Variants in PARD3 observed in about 807,000 individuals in gnomAD.
PARD3 encodes the protein par-3 family cell polarity regulator, also known as partitioning defective 3 homolog.
A neutral mutation model predicts 155.4 loss-of-function variants in PARD3; 75 were observed. The observed-to-expected ratio is 0.48, with a 90% CI of 0.40 to 0.58. PARD3 has a LOEUF of 0.58. PARD3 is among the 20% of genes least tolerant of loss of function. PARD3 has a pLI of 0.00. For missense variants in PARD3, 1,642 were observed against 1,721.7 expected (o/e 0.95, Z 0.82); for synonymous variants, 576 against 610.5 (o/e 0.94, Z 0.83).
rs540392298 is a variant in PARD3, at chr10:34,210,622, T to C, written c.3419+59035A>G. 2.0e-5 allele frequency among the ~76,000 whole-genome samples: 3 copies of C among 152,272 alleles called. No individual in the cohort carries two copies. In the South Asian group the frequency reaches 6.2e-4, roughly 32 times the overall value. The stretch of plus-strand genomic sequence containing the variant: ...ATAGTAGATATTAATGATCAAAAAC[T>C]TGATACCTGGGAAGGTGCTCAGACT... On this transcript the variant is annotated intron_variant, in intron 22 of 24. Transcript: ENST00000374788.
chr10:34,606,190 G>A (rs1421161141), intron 2 of PARD3, among the ~76,000 whole-genome samples: 1 of 79,864 alleles, frequency 1.3e-5, no homozygotes, highest in Non-Finnish European at 2.4e-5. Context: ...GTGTGTGTGT[G>A]TGTGTGTGTG....
At chr10:34,395,466 T>A (rs1843226170) in intron 7 of PARD3, among the ~76,000 whole-genome samples, 1 of 152,204 alleles carries the variant, frequency 6.6e-6, no homozygotes, top group Non-Finnish European at 1.5e-5. Context: ...ATCACCAAAG[T>A]AATGAAACCG....
chr10:34,575,143 C>T (rs1365371722), intron 2 of PARD3, among the ~76,000 whole-genome samples: 1 of 152,096 alleles, frequency 6.6e-6, no homozygotes, highest in Non-Finnish European at 1.5e-5. Flanking sequence ...TCATGCCTGG[C>T]CTTAAATGTA....
At chr10:34,257,138 A>C (rs1474518385) in intron 22 of PARD3, among the ~76,000 whole-genome samples, 1 of 152,218 alleles carries the variant, frequency 6.6e-6, no homozygotes, top group East Asian at 1.9e-4. Flanking sequence ...GACTTAGGGT[A>C]CCCAAGGAAA....
chr10:34,378,420 C>T (rs1186763951), intron 9 of PARD3, among the ~76,000 whole-genome samples: 1 of 152,080 alleles, frequency 6.6e-6, no homozygotes, highest in Non-Finnish European at 1.5e-5. Context: ...AGGAAATTCA[C>T]TACATGAAGA....
At chr10:34,267,776 A>G (rs1360753798) in intron 22 of PARD3, among the ~76,000 whole-genome samples, 1 of 152,180 alleles carries the variant, frequency 6.6e-6, no homozygotes, top group Admixed American at 6.6e-5. Context: ...TGCCATCCCC[A>G]GGACCAATGG....
intron 10 of PARD3, among the ~76,000 whole-genome samples, chr10:34,376,141 G>C (rs1027607021): frequency 6.6e-6 from 1 of 152,108 alleles, no homozygotes. Flanking sequence ...GAAAATGCAC[G>C]TAAGTATCAA....
intron 5 of PARD3, among the ~76,000 whole-genome samples, chr10:34,421,044 G>A (rs923731450): frequency 6.6e-6 from 1 of 152,104 alleles, no homozygotes; most frequent in African/African-American, 2.4e-5. Flanking sequence ...GCATGGTGGT[G>A]TGCACCCATG....
intron 2 of PARD3, among the ~76,000 whole-genome samples, chr10:34,682,935 T>A (rs1379071306): frequency 1.3e-5 from 2 of 152,182 alleles, no homozygotes; most frequent in Non-Finnish European, 2.9e-5. Flanking sequence ...AAGAGCCTAA[T>A]TTGACAATGG....
At chr10:34,272,111 G>C (rs1405708448) in intron 21 of PARD3, among the ~76,000 whole-genome samples, 1 of 151,894 alleles carries the variant, frequency 6.6e-6, no homozygotes, top group East Asian at 1.9e-4. Flanking sequence ...GATAACCATA[G>C]GCAAAAAGAA....
intron 2 of PARD3, among the ~76,000 whole-genome samples, chr10:34,562,282 C>A (rs2085555766): frequency 6.6e-6 from 1 of 151,508 alleles, no homozygotes; most frequent in Non-Finnish European, 1.5e-5. Flanking sequence ...ACTAAAAATA[C>A]AAAAATCAGC....
chr10:34,549,352 A>G (rs1443992282), intron 2 of PARD3, among the ~76,000 whole-genome samples: 2 of 152,364 alleles, frequency 1.3e-5, no homozygotes, highest in African/African-American at 4.8e-5. Flanking sequence ...ATAGTCCAAC[A>G]TTAAAAATAT....
At chr10:34,147,842 A>C (rs992188844) in intron 22 of PARD3, among the ~76,000 whole-genome samples, 1 of 152,162 alleles carries the variant, frequency 6.6e-6, no homozygotes, top group South Asian at 2.1e-4. Context: ...ACAGGAATTC[A>C]GGGGCACATT....
chr10:34,588,905 G>A (rs1310853721), intron 2 of PARD3, among the ~76,000 whole-genome samples: 1 of 152,164 alleles, frequency 6.6e-6, no homozygotes, highest in Non-Finnish European at 1.5e-5. Context: ...CAAAGTCTGA[G>A]GGGTACTGCT....
intron 2 of PARD3, among the ~76,000 whole-genome samples, chr10:34,527,314 T>G (rs558331395): frequency 4.4e-4 from 67 of 152,206 alleles, no homozygotes; most frequent in Non-Finnish European, 7.3e-4. Context: ...ACCTGCCCTT[T>G]GTATAGGGGA....
intron 2 of PARD3, among the ~76,000 whole-genome samples, chr10:34,637,647 T>C (rs571179634): frequency 3.9e-4 from 59 of 152,316 alleles, no homozygotes; most frequent in Non-Finnish European, 7.5e-4. Context: ...TGCAGGCTGG[T>C]GTGCAATCAC....
chr10:34,622,867 A>G (rs938653827), intron 2 of PARD3, among the ~76,000 whole-genome samples: 1 of 124,660 alleles, frequency 8.0e-6, no homozygotes, highest in African/African-American at 3.0e-5. Flanking sequence ...CATATTCCAT[A>G]TTAATATTAT....
At position 34,731,993 on chromosome 10, in the gene PARD3, TAGCTATTTGCAGAATGAATCAC is replaced by T. The variant is rs540063045; in HGVS notation, c.121-35596_121-35575del. ...TTGCAAGACTAACTCTCAAAAAGAA[TAGCTATTTGCAGAATGAATCAC>T]AGCTATTAATCTTTTCTTGAAAAAT... On this transcript the variant is annotated intron_variant, in intron 1 of 24. Coordinates refer to ENST00000374788, the MANE Select transcript of PARD3 (RefSeq NM_001184785.2). Among the ~76,000 whole-genome samples, 40 of 152,292 alleles carry T rather than the reference TAGCTATTTGCAGAATGAATCAC, an allele frequency of 2.6e-4. No individual in the cohort carries two copies. The East Asian group carries it at 6.9e-3, about 26-fold the overall frequency.
chr10:34,303,699 G>C (rs1334754343), intron 20 of PARD3, among the ~76,000 whole-genome samples: 1 of 151,910 alleles, frequency 6.6e-6, no homozygotes, highest in African/African-American at 2.4e-5. Context: ...ACAGATGTGA[G>C]ACAGGTGATG....
Sources: gnomAD v4.1 joint callset for allele counts (sites outside exome capture counted in the v4.1 genomes callset) on GRCh38, gnomAD v4.1.1 for gene constraint, MANE v1.5 for transcripts, NCBI Gene and HGNC (gene_info 2026-07-23, HGNC 2026-07-21) for gene names.